Variants in NEBL observed in about 807,000 individuals in gnomAD.
The protein encoded by NEBL is LIM and SH3 protein 2.
In NEBL, 122 loss-of-function variants were observed where a neutral mutation model predicts 140.2. The observed-to-expected ratio is 0.87, with a 90% CI of 0.75 to 1.01. The LOEUF (loss-of-function observed/expected upper bound fraction) is 1.01. Among genes scored for constraint, NEBL ranks in the 50% least tolerant of loss-of-function variants. The pLI, the probability that NEBL is intolerant of heterozygous loss-of-function variation, is 0.00. For missense variants in NEBL, 1,365 were observed against 1,231.3 expected, an observed-to-expected ratio of 1.11 and a Z score of -1.62; for synonymous variants, 436 against 398.9, an observed-to-expected ratio of 1.09 and a Z score of -1.11.
intron 2 of NEBL, among the ~76,000 whole-genome samples, chr10:21,038,996 T>C (rs554228347): frequency 2.1e-4 from 32 of 152,154 alleles, no homozygotes; most frequent in African/African-American, 6.0e-4. Flanking sequence ...GTTTGTTGGC[T>C]GCACAAATGT....
chr10:21,004,721 A>G (rs1348640037), intron 3 of NEBL, among the ~76,000 whole-genome samples: 1 of 151,930 alleles, frequency 6.6e-6, no homozygotes, highest in Non-Finnish European at 1.5e-5. Flanking sequence ...CTCATCTCAA[A>G]AAAAAAAAGA....
chr10:21,156,109 G>A (rs1840327736), intron 2 of NEBL, among the ~76,000 whole-genome samples: 1 of 152,198 alleles, frequency 6.6e-6, no homozygotes, highest in African/African-American at 2.4e-5. Context: ...AAAATAGAAA[G>A]AATCAGTAGA....
chr10:21,183,396 C>A (rs1841415259), intron 3 of NEBL, among the ~76,000 whole-genome samples: 1 of 152,010 alleles, frequency 6.6e-6, no homozygotes, highest in African/African-American at 2.4e-5. Flanking sequence ...GTCTGGACAC[C>A]ACCAGAAAGA....
intron 3 of NEBL, among the ~76,000 whole-genome samples, chr10:21,201,325 G>A (rs894463922): frequency 3.1e-4 from 47 of 152,312 alleles, no homozygotes; most frequent in African/African-American, 1.1e-3. Flanking sequence ...TTTCTTACAT[G>A]GTGGCCAGAA....
intron 5 of NEBL, among the ~76,000 whole-genome samples, chr10:20,878,480 A>G (rs1385188339): frequency 6.6e-6 from 1 of 152,216 alleles, no homozygotes; most frequent in Non-Finnish European, 1.5e-5. Context: ...CTGAACTTTT[A>G]CAGGAGACAG....
intron 1 of NEBL, among the ~76,000 whole-genome samples, chr10:21,276,314 C>A (rs1370302474): frequency 6.6e-6 from 1 of 152,102 alleles, no homozygotes; most frequent in Non-Finnish European, 1.5e-5. Context: ...TAGAATTTTT[C>A]TTCTACATGT....
intron 26 of NEBL, among the ~76,000 whole-genome samples, chr10:20,798,447 T>G (rs145441867): frequency 6.6e-6 from 1 of 152,314 alleles, no homozygotes; most frequent in East Asian, 1.9e-4. Context: ...TCTACTGTTT[T>G]GCACATGAGA....
At chr10:21,210,669 A>T (rs1169802678) in intron 3 of NEBL, among the ~76,000 whole-genome samples, 1 of 152,218 alleles carries the variant, frequency 6.6e-6, no homozygotes, top group Non-Finnish European at 1.5e-5. Flanking sequence ...ATAGATTAAA[A>T]TTTTTGTTGT....
chr10:21,291,008 C>T (rs1843134840), intron 1 of NEBL, among the ~76,000 whole-genome samples: 1 of 152,192 alleles, frequency 6.6e-6, no homozygotes, highest in Admixed American at 6.5e-5. Context: ...CACCGCTACA[C>T]CCACACCAGA....
chr10:21,119,262 C>T (rs1039412828), intron 2 of NEBL, among the ~76,000 whole-genome samples: 1 of 151,972 alleles, frequency 6.6e-6, no homozygotes, highest in Non-Finnish European at 1.5e-5. Flanking sequence ...TTCTTCCTAA[C>T]TTTTTATTTT....
intron 4 of NEBL, among the ~76,000 whole-genome samples, chr10:20,922,244 C>A (rs747126355): frequency 6.6e-6 from 1 of 152,222 alleles, no homozygotes; most frequent in Non-Finnish European, 1.5e-5. Flanking sequence ...CTGTGCCTCA[C>A]TGACTCCTCT....
intron 2 of NEBL, among the ~76,000 whole-genome samples, chr10:21,111,893 G>GA (rs896833650): frequency 6.6e-5 from 10 of 150,982 alleles, no homozygotes; most frequent in South Asian, 2.1e-4. Context: ...AAATTTACCA[G>GA]AAAAAAAACA....
chr10:20,846,036 G>A lies in NEBL; in HGVS notation c.1117-668C>T, dbSNP rs138714118. ...ACAACAAGAAATGAAAGGTGGATGC[G>A]ACGGTGATAGCTGGGGGCTTAGATT... On this transcript the variant is annotated intron_variant, in intron 11 of 27. Coordinates refer to ENST00000377122, the MANE Select transcript of NEBL (RefSeq NM_006393.3). Among the ~76,000 whole-genome samples, 537 of 152,164 alleles carry A rather than the reference G, an allele frequency of 3.5e-3. 8 individuals are homozygous for A. The highest frequency in any genetic ancestry group is 0.011 in the African/African-American group (464 of 41,512).
chr10:21,083,655 G>A (rs950353951), intron 2 of NEBL, among the ~76,000 whole-genome samples: 1 of 152,034 alleles, frequency 6.6e-6, no homozygotes, highest in African/African-American at 2.4e-5. Context: ...GAACAGCCTG[G>A]GCAACATGGC....
At chr10:21,016,965 A>G (rs73607572) in intron 3 of NEBL, among the ~76,000 whole-genome samples, 2,798 of 152,304 alleles carry the variant, frequency 0.018, 97 homozygotes, top group African/African-American at 0.065. Flanking sequence ...GCCAAATTCT[A>G]CCTTTACATA....
Position 20,897,042 on chromosome 10 carries a change from A to G in NEBL, c.82-13T>C. 1 of 1,612,714 alleles carries G rather than the reference A, an allele frequency of 6.2e-7. No homozygotes were observed. Among genetic ancestry groups the G allele is most frequent in the Non-Finnish European group, 8.5e-7 (1 of 1,178,942 alleles). On this transcript the variant is annotated splice_polypyrimidine_tract_variant and intron_variant, in intron 1 of 27. Transcript: ENST00000377122. ...GCTTATAGAAGACCTATTTGAAAAA[A>G]AAGAAAAGAACAGAAAGAACATTTT...
chr10:21,186,797 G>A (rs1032449160), intron 3 of NEBL, among the ~76,000 whole-genome samples: 3 of 151,756 alleles, frequency 2.0e-5, no homozygotes, highest in Admixed American at 2.0e-4. Context: ...TCATCTCTAG[G>A]CAATATATAG....
intron 3 of NEBL, among the ~76,000 whole-genome samples, chr10:20,993,231 A>G (rs1837536436): frequency 6.6e-6 from 1 of 152,138 alleles, no homozygotes. Flanking sequence ...ATATTCATGC[A>G]ACCTCTGGTC....
chr10:21,034,167 GAAAAAAAAAAAA>G (rs964552949), intron 2 of NEBL, among the ~76,000 whole-genome samples: 1 of 33,506 alleles, frequency 3.0e-5, no homozygotes, highest in Non-Finnish European at 7.1e-5. Flanking sequence ...ACCCTATCTC[GAAAAAAAAAAAA>G]AAAAAAAAAA....
Sources: allele counts gnomAD v4.1 joint callset (sites outside exome capture counted in the v4.1 genomes callset), GRCh38; gene constraint gnomAD v4.1.1; transcripts MANE v1.5; gene names NCBI Gene and HGNC (gene_info 2026-07-23, HGNC 2026-07-21).